SORBS2: variants seen among roughly 807,000 people sequenced by gnomAD.
SORBS2 encodes the protein sorbin and SH3 domain containing 2.
In SORBS2, 46 loss-of-function variants were observed where a neutral mutation model predicts 97.7. The ratio of observed to expected loss-of-function variants is 0.47; its 90% CI spans 0.37 to 0.60. The LOEUF is 0.60. Among genes scored for constraint, SORBS2 ranks in the 20% least tolerant of loss-of-function variants. SORBS2 has a pLI of 0.00. For synonymous variants in SORBS2, 476 were observed against 473.4 expected (o/e 1.01, Z -0.07); for missense variants, 1,316 against 1,282.3 (o/e 1.03, Z -0.40).
At chr4:185,887,426 C>T (rs771899145) in intron 1 of SORBS2, among the ~76,000 whole-genome samples, 1 of 152,178 alleles carries the variant, frequency 6.6e-6, no homozygotes, top group East Asian at 1.9e-4. Flanking sequence ...TTAAGAACCA[C>T]GCTGTGGCTT....
At chr4:185,731,866 C>CTCTCTCTCTCTATATATATA (rs1286500642) in intron 2 of SORBS2, among the ~76,000 whole-genome samples, 1 of 24,676 alleles carries the variant, frequency 4.1e-5, no homozygotes, top group Admixed American at 6.7e-4. Flanking sequence ...CTCTCTCTCT[C>CTCTCTCTCTCTATATATATA]TATATATATA....
intron 2 of SORBS2, among the ~76,000 whole-genome samples, chr4:185,707,010 C>G (rs941441370): frequency 4.6e-5 from 7 of 152,160 alleles, no homozygotes; most frequent in Non-Finnish European, 8.8e-5. Context: ...TGTGAATTAA[C>G]TGCTTGGCAG....
chr4:185,823,530 T>C (rs2099198040), intron 1 of SORBS2, among the ~76,000 whole-genome samples: 1 of 149,906 alleles, frequency 6.7e-6, no homozygotes, highest in South Asian at 2.1e-4. Flanking sequence ...AATTGACACA[T>C]TTTCTGAAAG....
At position 185,814,688 on chromosome 4, in the gene SORBS2, C is replaced by A. The variant is rs146486220; in HGVS notation, c.-337-39322G>T. 8.0e-3 allele frequency among the ~76,000 whole-genome samples: 1,226 copies of A among 152,368 alleles called. 17 individuals carry two copies. The highest frequency in any genetic ancestry group is 0.031 in the Middle Eastern group (9 of 294). On this transcript the variant is annotated intron_variant, in intron 1 of 20. Coordinates refer to the SORBS2 transcript ENST00000284776. ...TGCTCCTCCAAAGAGAACTGGAAGT[C>A]CCCCAGTTTGCACTGAACCGGAACT...
At chr4:185,761,432 A>G (rs1020431949) in intron 2 of SORBS2, 2 of 152,250 alleles carry the variant, frequency 1.3e-5, no homozygotes, top group Admixed American at 1.3e-4. Flanking sequence ...CTCATTCTGA[A>G]GATATTTTTC....
chr4:185,816,241 T>C (rs2099193199), intron 1 of SORBS2, among the ~76,000 whole-genome samples: 1 of 148,792 alleles, frequency 6.7e-6, no homozygotes, highest in African/African-American at 2.5e-5. Flanking sequence ...CTTGAAGCAA[T>C]AGGTTCTTCT....
At chr4:185,952,521 A>G (rs2099277702) in intron 1 of SORBS2, among the ~76,000 whole-genome samples, 1 of 152,236 alleles carries the variant, frequency 6.6e-6, no homozygotes, top group Admixed American at 6.5e-5. Context: ...AATCACTACT[A>G]AGCCCTAAAG....
chr4:185,857,657 T>G (rs1270681246), intron 1 of SORBS2, among the ~76,000 whole-genome samples: 1 of 152,184 alleles, frequency 6.6e-6, no homozygotes, highest in Non-Finnish European at 1.5e-5. Context: ...CACTGAATTC[T>G]TTTCCCAGCA....
intron 1 of SORBS2, among the ~76,000 whole-genome samples, chr4:185,912,503 T>C (rs943618926): frequency 4.1e-5 from 6 of 145,478 alleles, no homozygotes; most frequent in African/African-American, 1.5e-4. Flanking sequence ...GAGAATCGCT[T>C]GCACCCAGGA....
intron 2 of SORBS2, among the ~76,000 whole-genome samples, chr4:185,740,490 C>T (rs780317284): frequency 1.3e-5 from 2 of 152,184 alleles, no homozygotes; most frequent in Non-Finnish European, 2.9e-5. Flanking sequence ...GTGGCTTTGG[C>T]GTCAAGAAAG....
intron 1 of SORBS2, among the ~76,000 whole-genome samples, chr4:185,891,608 C>T (rs1283658162): frequency 1.3e-5 from 2 of 152,108 alleles, no homozygotes; most frequent in Non-Finnish European, 2.9e-5. Flanking sequence ...CCACTCGGAC[C>T]CACCAACCAG....
At chr4:185,945,858 G>C (rs1311100610) in intron 1 of SORBS2, among the ~76,000 whole-genome samples, 1 of 152,146 alleles carries the variant, frequency 6.6e-6, no homozygotes, top group Non-Finnish European at 1.5e-5. Flanking sequence ...GGATGGAGGG[G>C]TAGGGAATGA....
chr4:185,777,056 A>G (rs192661413), intron 1 of SORBS2, among the ~76,000 whole-genome samples: 1 of 152,200 alleles, frequency 6.6e-6, no homozygotes, highest in Non-Finnish European at 1.5e-5. Context: ...GCCATGTGAA[A>G]AAAAAGGGTT....
chr4:185,800,596 T>C (rs2099125590), intron 1 of SORBS2, among the ~76,000 whole-genome samples: 1 of 152,132 alleles, frequency 6.6e-6, no homozygotes, highest in Non-Finnish European at 1.5e-5. Context: ...CCTTGCAGCT[T>C]TCTTCTCTGC....
chr4:185,731,087 T>C (rs1256457704), intron 2 of SORBS2, among the ~76,000 whole-genome samples: 1 of 152,244 alleles, frequency 6.6e-6, no homozygotes, highest in Non-Finnish European at 1.5e-5. Flanking sequence ...AGCTTTATTT[T>C]ATTTTAACTC....
chr4:185,905,201 T>TG (rs937605973), intron 1 of SORBS2, among the ~76,000 whole-genome samples: 5 of 152,216 alleles, frequency 3.3e-5, no homozygotes, highest in African/African-American at 1.2e-4. Flanking sequence ...TTCCCCAAGC[T>TG]GGGGGCCAAA....
chr4:185,644,316 T>C (rs2097174898), intron 4 of SORBS2, among the ~76,000 whole-genome samples: 1 of 152,210 alleles, frequency 6.6e-6, no homozygotes, highest in African/African-American at 2.4e-5. Flanking sequence ...CTCCAGAGTT[T>C]CCTGTCTTAC....
At chr4:185,929,326 AT>A (rs942889307) in intron 1 of SORBS2, among the ~76,000 whole-genome samples, 3 of 152,128 alleles carry the variant, frequency 2.0e-5, no homozygotes, top group Admixed American at 6.5e-5. Flanking sequence ...GAGGGTGTCA[AT>A]CCAGTTCTGA....
chr4:185,915,929 G>A (rs987891166), intron 1 of SORBS2, among the ~76,000 whole-genome samples: 5 of 152,162 alleles, frequency 3.3e-5, no homozygotes, highest in Admixed American at 6.5e-5. Context: ...GAAGACTGTG[G>A]TGTTAACCAG....
Sources: allele counts gnomAD v4.1 joint callset (sites outside exome capture counted in the v4.1 genomes callset), GRCh38; gene constraint gnomAD v4.1.1; transcripts MANE v1.5; gene names NCBI Gene and HGNC (gene_info 2026-07-23, HGNC 2026-07-21).